FRS2: variants seen among roughly 807,000 people sequenced by gnomAD.
FRS2 encodes the protein FGFR signalling adaptor.
In FRS2, 8 loss-of-function variants were observed where a neutral mutation model predicts 43.9. The ratio of observed to expected loss-of-function variants is 0.18; its 90% CI spans 0.11 to 0.33. The LOEUF (loss-of-function observed/expected upper bound fraction) is 0.33. Ranked by LOEUF, FRS2 falls within the 10% of genes least tolerant of loss-of-function variation. The pLI is 1.00. For synonymous variants in FRS2, 219 were observed against 220.3 expected (o/e 0.99, Z 0.05); for missense variants, 534 against 627.6 (o/e 0.85, Z 1.59).
chr12:69,499,751 A>G (rs1247690905), intron 1 of FRS2, among the ~76,000 whole-genome samples: 2 of 145,276 alleles, frequency 1.4e-5, no homozygotes, highest in Non-Finnish European at 3.0e-5. Context: ...GAATGGTTAT[A>G]TAGGAGAATC....
intron 3 of FRS2, among the ~76,000 whole-genome samples, chr12:69,554,206 G>T (rs1287212401): frequency 6.6e-6 from 1 of 152,050 alleles, no homozygotes; most frequent in African/African-American, 2.4e-5. Context: ...GTATTGATTT[G>T]TATTTTCTTT....
intron 1 of FRS2, among the ~76,000 whole-genome samples, chr12:69,492,247 A>G (rs1447036701): frequency 2.0e-5 from 3 of 152,218 alleles, no homozygotes; most frequent in Non-Finnish European, 4.4e-5. Flanking sequence ...GGAAAGGGAG[A>G]GTTTGAAATA....
intron 1 of FRS2, among the ~76,000 whole-genome samples, chr12:69,496,880 A>G (rs1242526723): frequency 1.3e-5 from 2 of 152,246 alleles, no homozygotes; most frequent in African/African-American, 2.4e-5. Flanking sequence ...GAACAATTCT[A>G]TGTGCTAGAT....
intron 1 of FRS2, among the ~76,000 whole-genome samples, chr12:69,504,511 T>TA (rs1296087046): frequency 6.6e-6 from 1 of 152,198 alleles, no homozygotes; most frequent in Non-Finnish European, 1.5e-5. Context: ...GGCGTCACAA[T>TA]AGATTTATTG....
intron 3 of FRS2, among the ~76,000 whole-genome samples, chr12:69,556,991 TAA>T (rs1879410423): frequency 6.6e-6 from 1 of 152,232 alleles, no homozygotes; most frequent in Non-Finnish European, 1.5e-5. Flanking sequence ...GAATTGATTT[TAA>T]GTTACTCAGT....
rs554290901 is a variant in FRS2 at position 69,483,527 on chromosome 12, ACAGT to A, written c.-261+13000_-261+13003del. Among the ~76,000 whole-genome samples, 22 of 152,322 alleles carry A rather than the reference ACAGT, an allele frequency of 1.4e-4. No individual in the cohort carries two copies. The East Asian group carries it at 4.2e-3, about 29-fold the overall frequency. On this transcript the variant is annotated intron_variant, in intron 1 of 8. Coordinates refer to ENST00000549921, the MANE Select transcript of FRS2 (RefSeq NM_001278356.2). ...AAAAATTCTTAATTCTATCACTAAT[ACAGT>A]CAATTTTGGAGCTTTTTATAGCCTT...
chr12:69,543,783 A>C (rs902503788), intron 3 of FRS2, among the ~76,000 whole-genome samples: 1 of 152,208 alleles, frequency 6.6e-6, no homozygotes, highest in African/African-American at 2.4e-5. Context: ...GAACATAATT[A>C]GTGTATTCTA....
At chr12:69,488,653 T>A (rs897951405) in intron 1 of FRS2, among the ~76,000 whole-genome samples, 1 of 152,186 alleles carries the variant, frequency 6.6e-6, no homozygotes, top group Non-Finnish European at 1.5e-5. Flanking sequence ...TCCTCCTATT[T>A]GAAGCTGTTT....
Position 69,553,654 on chromosome 12 carries a change from G to A in FRS2, c.-121-8526G>A, listed in dbSNP as rs186621931. Among the ~76,000 whole-genome samples the A allele has an allele frequency of 9.2e-5, 14 of 152,156 alleles. No homozygotes were observed. The East Asian group carries it at 1.5e-3, about 17-fold the overall frequency. On this transcript the variant is annotated intron_variant, in intron 3 of 8. Transcript: ENST00000549921. ...CACATCTGAAATAGGATTTGATTCTGTAATTCCAGTGGTCTCTAGACCTAG... is the reference window on the plus strand; with the variant it reads ...CACATCTGAAATAGGATTTGATTCTATAATTCCAGTGGTCTCTAGACCTAG...
intron 1 of FRS2, among the ~76,000 whole-genome samples, chr12:69,498,170 A>G (rs1346894553): frequency 6.6e-6 from 1 of 152,218 alleles, no homozygotes; most frequent in African/African-American, 2.4e-5. Flanking sequence ...TACAAAGAAG[A>G]CATAAGTTAG....
chr12:69,482,423 T>C (rs972079356), intron 1 of FRS2, among the ~76,000 whole-genome samples: 12 of 152,284 alleles, frequency 7.9e-5, no homozygotes, highest in South Asian at 6.2e-4. Context: ...TGGGCCTTTT[T>C]CCCCCTAACC....
At chr12:69,567,776 G>T (rs906324594) in intron 4 of FRS2, among the ~76,000 whole-genome samples, 2 of 152,152 alleles carry the variant, frequency 1.3e-5, no homozygotes, top group Non-Finnish European at 2.9e-5. Context: ...GAGAGACCAG[G>T]ATGCTCTGGG....
chr12:69,477,709 CTTATTTATTTATTTATTTATTTATTTAT>C (rs138396374), intron 1 of FRS2, among the ~76,000 whole-genome samples: 2 of 142,078 alleles, frequency 1.4e-5, no homozygotes, highest in East Asian at 2.0e-4. Context: ...TTAATAGTAG[CTTATTTATTTATTTATTTATTTATTTAT>C]TTATTTATTT....
intron 1 of FRS2, among the ~76,000 whole-genome samples, chr12:69,494,954 A>C (rs888295039): frequency 6.6e-6 from 1 of 152,070 alleles, no homozygotes; most frequent in African/African-American, 2.4e-5. Context: ...TTAAATTTTT[A>C]GTAGAGACAG....
intron 3 of FRS2, 169 bp from the exon 4 acceptor site, chr12:69,562,011 A>T: frequency 8.2e-6 from 3 of 367,344 alleles, no homozygotes; most frequent in Non-Finnish European, 1.4e-5. Flanking sequence ...TGTGCATATT[A>T]TATTACTTTT....
chr12:69,518,239 C>T (rs1875254013), intron 1 of FRS2, among the ~76,000 whole-genome samples: 2 of 152,148 alleles, frequency 1.3e-5, no homozygotes, highest in Admixed American at 1.3e-4. Context: ...GTTGGTGATT[C>T]CTTCTTTGTC....
chr12:69,541,744 G>T (rs1279579439), intron 3 of FRS2, among the ~76,000 whole-genome samples: 1 of 148,800 alleles, frequency 6.7e-6, no homozygotes, highest in Non-Finnish European at 1.5e-5. Flanking sequence ...ATGGTCACTT[G>T]AGCCCTGGAG....
rs1286586864 is a variant in FRS2, at chr12:69,577,524, A to G, written c.*2569A>G. ...TTCTGAGGCAGATCTAATTTTAGATAATTCTGTTGGTAGACCATGTGATCC... is the reference window on the plus strand; with the variant it reads ...TTCTGAGGCAGATCTAATTTTAGATGATTCTGTTGGTAGACCATGTGATCC... On this transcript the variant is annotated 3_prime_UTR_variant, in exon 9 of 9. Coordinates refer to ENST00000549921, the MANE Select transcript of FRS2 (RefSeq NM_001278356.2). The G allele has an allele frequency of 1.3e-5, 2 of 152,626 alleles. No homozygotes were observed. Among genetic ancestry groups the G allele is most frequent in the African/African-American group, 4.8e-5 (2 of 41,462 alleles). The allele number at this position is 152,626 out of a possible 1,614,324, so 9.5% of individuals were successfully genotyped here.
intron 3 of FRS2, among the ~76,000 whole-genome samples, chr12:69,541,859 T>C (rs1225767028): frequency 6.6e-6 from 1 of 151,488 alleles, no homozygotes; most frequent in Non-Finnish European, 1.5e-5. Context: ...AACACTGTAT[T>C]ATTGTAATTC....
Sources: allele counts gnomAD v4.1 joint callset (sites outside exome capture counted in the v4.1 genomes callset), GRCh38; gene constraint gnomAD v4.1.1; transcripts MANE v1.5; gene names NCBI Gene and HGNC (gene_info 2026-07-23, HGNC 2026-07-21).